Variants in MICU3 observed in about 807,000 individuals in gnomAD.
MICU3 encodes calcium uptake protein 3, mitochondrial.
Under a neutral mutation model 66.5 loss-of-function variants are expected in MICU3, and 62 were observed. The ratio of observed to expected loss-of-function variants is 0.93; its 90% confidence interval spans 0.76 to 1.15. The LOEUF (loss-of-function observed/expected upper bound fraction) is 1.15, where lower values mean the gene tolerates loss of function less well. Ranked by LOEUF, MICU3 falls within the 50% of genes most tolerant of loss-of-function variation. The pLI is 0.00. For synonymous variants in MICU3, 308 were observed against 240.7 expected, an observed-to-expected ratio of 1.28 and a Z score of -2.59; for missense variants, 779 against 664.4, an observed-to-expected ratio of 1.17 and a Z score of -1.90.
chr8:17,096,368 A>G lies in MICU3; in HGVS notation c.889-2090A>G, dbSNP rs1188138519. Among the ~76,000 whole-genome samples, 4 of 151,996 alleles carry G rather than the reference A, an allele frequency of 2.6e-5. No homozygotes were observed. The East Asian group carries it at 7.7e-4, about 29-fold the overall frequency. On this transcript the variant is annotated intron_variant, in intron 8 of 14. Coordinates refer to ENST00000318063, the MANE Select transcript of MICU3 (RefSeq NM_181723.3). ...AGCTTATGTAAAATATCCTTACTGT[A>G]TTATATTTTCGTGGTGATAAAACTT...
chr8:17,104,841 AAAAAT>A (rs1801601959), intron 10 of MICU3, among the ~76,000 whole-genome samples: 1 of 83,888 alleles, frequency 1.2e-5, no homozygotes, highest in South Asian at 4.1e-4. Context: ...TAAAAATACA[AAAAAT>A]TAGCCGGGCG....
At position 17,116,606 on chromosome 8, in the gene MICU3, C is replaced by A; in HGVS notation, c.1524+6C>A. ...GACTCCATAGAGGATTCCGGGTAAA[C>A]CTACACATTTTAAACCTATTGATAT... On this transcript the variant is annotated splice_donor_region_variant and intron_variant, in intron 13 of 14. Coordinates refer to ENST00000318063, the MANE Select transcript of MICU3 (RefSeq NM_181723.3). The A allele has an allele frequency of 6.5e-7, 1 of 1,545,416 alleles. No homozygotes were observed. The highest frequency in any genetic ancestry group is 8.7e-7 in the Non-Finnish European group (1 of 1,153,298).
At chr8:17,044,179 A>G (rs1235497075) in intron 1 of MICU3, among the ~76,000 whole-genome samples, 1 of 152,208 alleles carries the variant, frequency 6.6e-6, no homozygotes, top group Non-Finnish European at 1.5e-5. Flanking sequence ...TTGAACATTG[A>G]TGTTCAGTAG....
At chr8:17,052,231 A>G (rs532987596) in intron 1 of MICU3, among the ~76,000 whole-genome samples, 39 of 152,234 alleles carry the variant, frequency 2.6e-4, no homozygotes, top group African/African-American at 8.9e-4. Context: ...ATCATGATAC[A>G]TAATATTTGT....
chr8:17,130,904 T>C, the MICU3 span, among the ~76,000 whole-genome samples: 1 of 152,232 alleles, frequency 6.6e-6, no homozygotes, highest in Admixed American at 6.5e-5. Context: ...AATCAGTTTT[T>C]AATGAAGATT....
At chr8:17,065,925 A>G (rs1447242309) in intron 2 of MICU3, among the ~76,000 whole-genome samples, 1 of 152,202 alleles carries the variant, frequency 6.6e-6, no homozygotes, top group East Asian at 1.9e-4. Context: ...GATTTTAACA[A>G]GAAACTATGA....
At chr8:17,131,817 G>A in the MICU3 span, 5 of 152,026 alleles carry the variant, frequency 3.3e-5, no homozygotes, top group Middle Eastern at 3.2e-3. Context: ...TTTAACACTC[G>A]GCTAGCTAGC....
chr8:17,132,621 G>T, the MICU3 span: 6 of 152,164 alleles, frequency 3.9e-5, no homozygotes, highest in Admixed American at 3.3e-4. Context: ...TGTTGATTCA[G>T]TAGCATGAGG....
chr8:17,027,394 C>G lies in MICU3; in HGVS notation c.115C>G (p.Pro39Ala). 1 of 1,436,552 alleles carries G rather than the reference C, an allele frequency of 7.0e-7. No homozygotes were observed. Among genetic ancestry groups the G allele is most frequent in the Non-Finnish European group, 9.1e-7 (1 of 1,103,554 alleles). 89.0% of individuals were successfully genotyped at this position (1,436,552 alleles called of 1,614,324 possible). Reference sequence around the variant, plus strand: ...GCCTGCGGTGACCACCCTGGGCCTTCCTGGCCGGCCCTTCTCCTCCCGAGA... The same window carrying G: ...GCCTGCGGTGACCACCCTGGGCCTTGCTGGCCGGCCCTTCTCCTCCCGAGA... ...GRPAVTTLGL[P>A]GRPFSSREDE... is the part of the protein sequence containing the mutation. Residue 39 changes from proline to alanine, a missense_variant, in exon 1 of 15, where the codon CCT becomes GCT. Pro to Ala is a conservative substitution (Grantham distance 27, BLOSUM62 -1). Coordinates refer to ENST00000318063, the MANE Select transcript of MICU3 (RefSeq NM_181723.3).
chr8:17,093,582 A>C (rs1437997066), intron 8 of MICU3, among the ~76,000 whole-genome samples: 1 of 152,006 alleles, frequency 6.6e-6, no homozygotes, highest in Non-Finnish European at 1.5e-5. Context: ...GTTAAATTAC[A>C]CATTACAATA....
In MICU3 at chr8:17,120,941, A is replaced by G. The variant is rs1313195806; in HGVS notation, c.*654A>G. The G allele has an allele frequency of 6.6e-6, 1 of 152,050 alleles. No individual in the cohort carries two copies. The highest frequency in any genetic ancestry group is 1.5e-5 in the Non-Finnish European group (1 of 67,892). The allele number at this position is 152,050 out of a possible 1,614,324, so 9.4% of individuals were successfully genotyped here. A position where few individuals can be genotyped will look rare whatever the true frequency, so the allele number is the denominator to read the frequency against. ...TTTTAAAAATTGTTGTTTATTTGCC[A>G]AAGTCAACAGAATGTCTGTTATTGT... On this transcript the variant is annotated 3_prime_UTR_variant, in exon 15 of 15. Coordinates refer to ENST00000318063, the MANE Select transcript of MICU3 (RefSeq NM_181723.3).
chr8:17,105,085 T>G (rs553889219), intron 10 of MICU3, among the ~76,000 whole-genome samples: 1 of 151,730 alleles, frequency 6.6e-6, no homozygotes, highest in Non-Finnish European at 1.5e-5. Flanking sequence ...TGTTGCCAAT[T>G]CCTTGTCTCA....
At chr8:17,127,312 C>A (rs1803430246), downstream of MICU3, among the ~76,000 whole-genome samples, 1 of 152,102 alleles carries the variant, frequency 6.6e-6, no homozygotes, top group Admixed American at 6.5e-5. Flanking sequence ...AGTGAGTGTA[C>A]AGAAGATTAG....
downstream of MICU3, among the ~76,000 whole-genome samples, chr8:17,126,052 A>G (rs1585602095): frequency 6.8e-6 from 1 of 147,580 alleles, no homozygotes; most frequent in African/African-American, 2.6e-5. Context: ...AAAAAAAAAA[A>G]CCTCTCTCTG....
At chr8:17,081,948 C>G in intron 5 of MICU3, 1 of 355,300 alleles carries the variant, frequency 2.8e-6, no homozygotes, top group South Asian at 3.0e-5. Context: ...GTAATAAATG[C>G]TCATAAATTA....
intron 11 of MICU3, 53 bp downstream of exon 11, chr8:17,105,637 T>A: frequency 9.5e-7 from 1 of 1,057,302 alleles, no homozygotes; most frequent in South Asian, 2.0e-5. Flanking sequence ...AATACGTGCC[T>A]CTAAAACACA....
At chr8:17,055,310 A>G (rs1026108285) in intron 1 of MICU3, among the ~76,000 whole-genome samples, 1 of 152,128 alleles carries the variant, frequency 6.6e-6, no homozygotes, top group African/African-American at 2.4e-5. Context: ...GAGGCTTTTA[A>G]TTTTACAAAT....
intron 11 of MICU3, among the ~76,000 whole-genome samples, chr8:17,106,306 A>C (rs1034641928): frequency 6.6e-6 from 1 of 151,980 alleles, no homozygotes; most frequent in Non-Finnish European, 1.5e-5. Flanking sequence ...GAATGGATAC[A>C]CTGTGACAAT....
chr8:17,118,872 G>T lies in MICU3; in HGVS notation c.*97G>T, dbSNP rs574576211. ...ATTTAGAAAATAGCTGAAAGAAATA[G>T]AATTATCTAATTTATTTTTAATTTT... On this transcript the variant is annotated intron_variant, in intron 14 of 14. Coordinates refer to ENST00000318063, the MANE Select transcript of MICU3 (RefSeq NM_181723.3). The T allele has an allele frequency of 8.9e-6, 6 of 672,816 alleles. No homozygotes were observed. The South Asian group carries it at 1.3e-4, about 15-fold the overall frequency. 41.7% of individuals were successfully genotyped at this position (672,816 alleles called of 1,614,324 possible). A position where few individuals can be genotyped will look rare whatever the true frequency, so the allele number is the denominator to read the frequency against.
Sources: gnomAD v4.1 joint callset for allele counts (sites outside exome capture counted in the v4.1 genomes callset) on GRCh38, gnomAD v4.1.1 for gene constraint, MANE v1.5 for transcripts, NCBI Gene and HGNC (gene_info 2026-07-23, HGNC 2026-07-21) for gene names.